The following ANKRD12 variants were observed in gnomAD, a reference collection of about 807,000 sequenced individuals.
ANKRD12 encodes ankyrin repeat domain-containing protein 12.
A neutral mutation model predicts 183.4 loss-of-function variants in ANKRD12; 85 were observed. The ratio of observed to expected loss-of-function variants is 0.46; its 90% CI spans 0.39 to 0.56. ANKRD12 has a LOEUF of 0.56. Among genes scored for constraint, ANKRD12 ranks in the 20% least tolerant of loss-of-function variants. The pLI is 0.00. For missense variants in ANKRD12, 2,405 were observed against 2,357.1 expected, an observed-to-expected ratio of 1.02 and a Z score of -0.42; for synonymous variants, 914 against 800.2, an observed-to-expected ratio of 1.14 and a Z score of -2.40.
intron 1 of ANKRD12, among the ~76,000 whole-genome samples, chr18:9,141,343 A>T (rs1381741562): frequency 1.3e-5 from 2 of 152,236 alleles, no homozygotes; most frequent in African/African-American, 4.8e-5. Context: ...TATTGATATC[A>T]TGCTTCTAAA....
At chr18:9,197,481 C>G (rs1252540727) in intron 3 of ANKRD12, among the ~76,000 whole-genome samples, 3 of 152,210 alleles carry the variant, frequency 2.0e-5, no homozygotes, top group African/African-American at 7.2e-5. Flanking sequence ...ACAGTCAAAT[C>G]TGTGTATCTT....
At chr18:9,261,991 G>A (rs75213544) in intron 9 of ANKRD12, among the ~76,000 whole-genome samples, 2,116 of 152,294 alleles carry the variant, frequency 0.014, 52 homozygotes, top group African/African-American at 0.049. Flanking sequence ...TTCACAGGAC[G>A]CAGAAATTAA....
chr18:9,166,837 T>G (rs2032124054), intron 1 of ANKRD12, among the ~76,000 whole-genome samples: 1 of 152,246 alleles, frequency 6.6e-6, no homozygotes, highest in South Asian at 2.1e-4. Context: ...CTTCTAGGGT[T>G]TTTATGGTTT....
rs531554791 is a variant in ANKRD12 at position 9,269,437 on chromosome 18, A to G, written c.5763+5549A>G. Among the ~76,000 whole-genome samples the G allele has an allele frequency of 2.0e-5, 3 of 152,322 alleles. No homozygotes were observed. In the South Asian group the frequency reaches 6.2e-4, roughly 32 times the overall value. ...CAAAACAGAGATACAGACCAATGGA[A>G]CAGAACAGAGCCCTCAGAAATAGTG... is the stretch of plus-strand genomic sequence containing the variant. On this transcript the variant is annotated intron_variant, in intron 10 of 12. Coordinates refer to ENST00000262126, the MANE Select transcript of ANKRD12 (RefSeq NM_015208.5).
intron 1 of ANKRD12, among the ~76,000 whole-genome samples, chr18:9,138,536 A>G (rs146845460): frequency 6.6e-6 from 1 of 152,268 alleles, no homozygotes; most frequent in Admixed American, 6.5e-5. Flanking sequence ...AAACAAACAA[A>G]CAAACAAACA....
chr18:9,231,942 A>C (rs183601351), intron 8 of ANKRD12, among the ~76,000 whole-genome samples: 1 of 151,686 alleles, frequency 6.6e-6, no homozygotes, highest in Non-Finnish European at 1.5e-5. Context: ...GTGTCCTCAC[A>C]GGTAAAATAC....
chr18:9,254,222 G>A lies in ANKRD12; in HGVS notation c.955G>A (p.Ala319Thr). Residue 319 changes from alanine to threonine, a missense_variant, in exon 9 of 13, where the codon GCT (alanine) becomes ACT (threonine). Coordinates refer to ENST00000262126, the MANE Select transcript of ANKRD12 (RefSeq NM_015208.5). ...TTTTTTTATTCTAGATTCCGAAGAG[G>A]CTCAATCTGTAAATCCTTCTAGTGT... ...DDESYTDSEEAQSVNPSSVDE... is the reference protein window; with the variant it reads ...DDESYTDSEETQSVNPSSVDE... The A allele has an allele frequency of 6.4e-7, 1 of 1,555,342 alleles. No individual in the cohort carries two copies. The highest frequency in any genetic ancestry group is 1.2e-5 in the South Asian group (1 of 81,472).
At chr18:9,204,315 CTG>C (rs1350244986) in intron 3 of ANKRD12, among the ~76,000 whole-genome samples, 159 bp from the exon 4 acceptor site, 1 of 152,142 alleles carries the variant, frequency 6.6e-6, no homozygotes, top group Non-Finnish European at 1.5e-5. Flanking sequence ...TTGACCAAAC[CTG>C]TGTTTTAAAT....
intron 1 of ANKRD12, among the ~76,000 whole-genome samples, chr18:9,176,470 T>C (rs1314014561): frequency 6.6e-6 from 1 of 152,024 alleles, no homozygotes; most frequent in Non-Finnish European, 1.5e-5. Flanking sequence ...TTTTAATTTT[T>C]TGTAGAGGCG....
rs867734852 is a variant in ANKRD12, at chr18:9,284,807, A to G, written c.*3681A>G. On this transcript the variant is annotated 3_prime_UTR_variant, in exon 13 of 13. Transcript: ENST00000262126. ...ACAAATTAAGTATTAGCATAAAAATAGCAAAAAGTACAACTAAAAAAATGG... is the reference window on the plus strand; with the variant it reads ...ACAAATTAAGTATTAGCATAAAAATGGCAAAAAGTACAACTAAAAAAATGG... The G allele has an allele frequency of 1.5e-4, 23 of 152,368 alleles. No individual in the cohort carries two copies. Among genetic ancestry groups the G allele is most frequent in the African/African-American group, 4.8e-4 (20 of 41,592 alleles). The allele number at this position is 152,368 out of a possible 1,614,324, so 9.4% of individuals were successfully genotyped here. A position where few individuals can be genotyped will look rare whatever the true frequency, so the allele number is the denominator to read the frequency against.
At chr18:9,227,573 A>G (rs1032353696) in intron 8 of ANKRD12, among the ~76,000 whole-genome samples, 1 of 152,222 alleles carries the variant, frequency 6.6e-6, no homozygotes, top group Non-Finnish European at 1.5e-5. Context: ...TTTTGTATTG[A>G]CCAAAGATGG....
chr18:9,222,823 T>C, intron 8 of ANKRD12, among the ~76,000 whole-genome samples: 1 of 152,152 alleles, frequency 6.6e-6, no homozygotes, highest in African/African-American at 2.4e-5. Context: ...GAAAGGCAAT[T>C]GAAAGAACAC....
Position 9,256,267 on chromosome 18 carries a change from TAAAGAA to T in ANKRD12, c.3004_3009del (p.Glu1002_Lys1003del), listed in dbSNP as rs771881201. Reference sequence around the variant, plus strand: ...CACAACATGAAAAACCCTTATCCCTTAAAGAAAAAACAAAAGATGAACCTTTGAAAA... The same window carrying T: ...CACAACATGAAAAACCCTTATCCCTTAAAACAAAAGATGAACCTTTGAAAA... On this transcript the variant is annotated inframe_deletion, in exon 9 of 13. Transcript: ENST00000262126. The T allele has an allele frequency of 2.5e-6, 4 of 1,604,440 alleles. No homozygotes were observed. The highest frequency in any genetic ancestry group is 1.4e-5 in the African/African-American group (1 of 73,908).
intron 3 of ANKRD12, among the ~76,000 whole-genome samples, chr18:9,198,033 AT>A (rs1299482966): frequency 6.6e-6 from 1 of 152,000 alleles, no homozygotes; most frequent in Non-Finnish European, 1.5e-5. Flanking sequence ...CTTTTATATA[AT>A]TTTTTTTTAA....
In ANKRD12 at chr18:9,245,797, A is replaced by G. The variant is rs2037928826; in HGVS notation, c.944-8414A>G. ...CAGGGTTGTTTTGTCAATATACTCA[A>G]TCATGAAATAAAGATAGAAGTAGAA... is the stretch of plus-strand genomic sequence containing the variant. On this transcript the variant is annotated intron_variant, in intron 8 of 12. Coordinates refer to ENST00000262126, the MANE Select transcript of ANKRD12 (RefSeq NM_015208.5). Among the ~76,000 whole-genome samples the G allele has an allele frequency of 2.0e-5, 3 of 152,208 alleles. No homozygotes were observed. The South Asian group carries it at 6.2e-4, about 31-fold the overall frequency.
At chr18:9,236,544 T>C (rs1417461460) in intron 8 of ANKRD12, among the ~76,000 whole-genome samples, 2 of 152,124 alleles carry the variant, frequency 1.3e-5, no homozygotes, top group Non-Finnish European at 2.9e-5. Context: ...CTTCAATTAT[T>C]AGACTGGAAA....
At chr18:9,241,152 A>AT (rs1208701122) in intron 8 of ANKRD12, among the ~76,000 whole-genome samples, 1 of 152,060 alleles carries the variant, frequency 6.6e-6, no homozygotes, top group Non-Finnish European at 1.5e-5. Flanking sequence ...TTTAAAGTAA[A>AT]TTTTTTTAAC....
chr18:9,250,796 G>A (rs543521595), intron 8 of ANKRD12, among the ~76,000 whole-genome samples: 77 of 152,170 alleles, frequency 5.1e-4, no homozygotes, highest in Non-Finnish European at 9.0e-4. Context: ...AGTTTGAAAT[G>A]GCTCTGAGAT....
intron 1 of ANKRD12, among the ~76,000 whole-genome samples, chr18:9,167,256 A>G (rs1370698678): frequency 6.6e-6 from 1 of 152,072 alleles, no homozygotes; most frequent in Non-Finnish European, 1.5e-5. Context: ...CTGTGAAGAA[A>G]GTCATTGGTA....
Sources: gnomAD v4.1 joint callset for allele counts (sites outside exome capture counted in the v4.1 genomes callset) on GRCh38, gnomAD v4.1.1 for gene constraint, MANE v1.5 for transcripts, NCBI Gene and HGNC (gene_info 2026-07-23, HGNC 2026-07-21) for gene names.